Variants in ASAH2B observed in about 807,000 individuals in gnomAD.
ASAH2B encodes the protein N-acylsphingosine amidohydrolase 2B.
Under a neutral mutation model 2.9 loss-of-function variants are expected in ASAH2B, and 1 was observed. The observed-to-expected ratio is 0.34, with a 90% CI of 0.12 to 1.63. ASAH2B has a LOEUF of 1.63. Ranked by LOEUF, ASAH2B falls within the 40% of genes most tolerant of loss-of-function variation. The pLI is 0.36. For synonymous variants in ASAH2B, 4 were observed against 13.3 expected (o/e 0.30, Z 1.52); for missense variants, 9 against 37.7 (o/e 0.24, Z 1.99).
chr10:50,747,402 AT>A (rs1420587146), intron 3 of ASAH2B, among the ~76,000 whole-genome samples: 1 of 151,260 alleles, frequency 6.6e-6, no homozygotes, highest in Non-Finnish European at 1.5e-5. Context: ...TTTGTAGTAT[AT>A]TTTGAAGTCA....
At chr10:50,744,291 A>G (rs1196959698) in intron 2 of ASAH2B, among the ~76,000 whole-genome samples, 1 of 151,576 alleles carries the variant, frequency 6.6e-6, no homozygotes, top group Non-Finnish European at 1.5e-5. Context: ...AATGCAATTA[A>G]TTTGGTGGAA....
chr10:50,745,071 G>T (rs1839886972), intron 2 of ASAH2B, 57 bp from the exon 3 acceptor site: 1 of 389,064 alleles, frequency 2.6e-6, no homozygotes, highest in Non-Finnish European at 4.3e-6. Flanking sequence ...CTGGAGGCCT[G>T]GGGAAAGGGT....
intron 1 of ASAH2B, among the ~76,000 whole-genome samples, chr10:50,742,129 T>TA (rs934934944): frequency 2.7e-5 from 4 of 150,512 alleles, no homozygotes; most frequent in Non-Finnish European, 4.4e-5. Flanking sequence ...AATACAAATA[T>TA]AAAAAAAAAG....
At chr10:50,741,229 C>T (rs1839826167) in intron 1 of ASAH2B, among the ~76,000 whole-genome samples, 1 of 152,212 alleles carries the variant, frequency 6.6e-6, no homozygotes, top group African/African-American at 2.4e-5. Context: ...CTCTCTTCTA[C>T]CCAGTATTTT....
intron 3 of ASAH2B, among the ~76,000 whole-genome samples, chr10:50,748,865 A>G (rs1036585545): frequency 2.6e-5 from 4 of 151,410 alleles, no homozygotes; most frequent in African/African-American, 7.3e-5. Context: ...CCATTGTTTA[A>G]TATATATTTT....
rs1837141298 is a variant in ASAH2B at position 50,758,597 on chromosome 10, T to A, written c.*3857T>A. 1 of 151,648 alleles carries A rather than the reference T, an allele frequency of 6.6e-6. No homozygotes were observed. Among genetic ancestry groups the A allele is most frequent in the Non-Finnish European group, 1.5e-5 (1 of 67,824 alleles). The allele number at this position is 151,648 out of a possible 1,614,324, so 9.4% of individuals were successfully genotyped here. On this transcript the variant is annotated 3_prime_UTR_variant, in exon 6 of 6. Transcript: ENST00000647317. ...TGCTCTTTGAAATAATTAGAACTCG[T>A]TTTACTCTAGAAAATATATTTTGGA...
At chr10:50,754,216 G>T (rs2132731671) in intron 5 of ASAH2B, among the ~76,000 whole-genome samples, 2 of 150,604 alleles carry the variant, frequency 1.3e-5, no homozygotes, top group Non-Finnish European at 3.0e-5. Flanking sequence ...ATAAGTGTCA[G>T]ATAAGGGCTA....
intron 5 of ASAH2B, among the ~76,000 whole-genome samples, chr10:50,753,147 A>G (rs1431555873): frequency 6.7e-6 from 1 of 148,408 alleles, no homozygotes; most frequent in Non-Finnish European, 1.5e-5. Flanking sequence ...AAGATTTGAT[A>G]ATGTGTCTGA....
At chr10:50,743,308 A>T (rs907179452) in intron 2 of ASAH2B, among the ~76,000 whole-genome samples, 1 of 151,372 alleles carries the variant, frequency 6.6e-6, no homozygotes, top group African/African-American at 2.4e-5. Flanking sequence ...ATTTCTCCCC[A>T]GTTTTCAGAG....
intron 3 of ASAH2B, among the ~76,000 whole-genome samples, chr10:50,748,050 T>G (rs1588931560): frequency 6.6e-6 from 1 of 151,000 alleles, no homozygotes; most frequent in Non-Finnish European, 1.5e-5. Context: ...CTAATTCAAT[T>G]TCTTTACTTG....
chr10:50,759,191 A>AC lies in ASAH2B; in HGVS notation c.*4451_*4452insC, dbSNP rs1310013525. ...TGTATTAGCATTTTTCCCCCTTGAC[A>AC]TCAATGTCCTTGAATGTATTTGCCA... On this transcript the variant is annotated 3_prime_UTR_variant, in exon 6 of 6. Transcript: ENST00000647317. 2.2e-4 allele frequency: 18 copies of AC among 82,930 alleles called. No individual in the cohort carries two copies. Among genetic ancestry groups the AC allele is most frequent in the East Asian group, 1.1e-3 (1 of 918 alleles). 5.1% of individuals were successfully genotyped at this position (82,930 alleles called of 1,614,324 possible).
rs1367291315 is a variant in ASAH2B, at chr10:50,755,600, T to C, written c.*860T>C. ...CAGAAAGTTTTGCCATTAGCGTAGA[T>C]ATTAAAAATATTACTGGCTGGGAAA... On this transcript the variant is annotated 3_prime_UTR_variant, in exon 6 of 6. Transcript: ENST00000647317. 2.0e-5 allele frequency: 3 copies of C among 151,800 alleles called. No homozygotes were observed. The highest frequency in any genetic ancestry group is 2.9e-5 in the Non-Finnish European group (2 of 67,816). The allele number at this position is 151,800 out of a possible 1,614,324, so 9.4% of individuals were successfully genotyped here.
rs1049240462 is a variant in ASAH2B, at chr10:50,739,951, G to A, written c.-132G>A. ...GTGAATTTCCGTTTCCGGCGGTGTG[G>A]AAGCGGACCTGAGGAGTCGCAATTG... On this transcript the variant is annotated 5_prime_UTR_variant, in exon 1 of 6. Transcript: ENST00000647317. 6.0e-6 allele frequency: 1 copy of A among 166,328 alleles called. No individual in the cohort carries two copies. The highest frequency in any genetic ancestry group is 2.4e-5 in the African/African-American group (1 of 41,456). 10.3% of individuals were successfully genotyped at this position (166,328 alleles called of 1,614,324 possible).
At chr10:50,747,033 G>A (rs1839917727) in intron 3 of ASAH2B, among the ~76,000 whole-genome samples, 1 of 146,748 alleles carries the variant, frequency 6.8e-6, no homozygotes, top group South Asian at 2.1e-4. Context: ...TTTTGCTTTT[G>A]TTGCTTTTGC....
intron 3 of ASAH2B, among the ~76,000 whole-genome samples, chr10:50,747,743 C>T (rs555875212): frequency 6.6e-6 from 1 of 151,776 alleles, no homozygotes; most frequent in Non-Finnish European, 1.5e-5. Flanking sequence ...AATGCCGTAT[C>T]ATTTAGTCAT....
At chr10:50,740,930 T>C (rs542906037) in intron 1 of ASAH2B, among the ~76,000 whole-genome samples, 11 of 152,090 alleles carry the variant, frequency 7.2e-5, no homozygotes, top group Admixed American at 2.0e-4. Flanking sequence ...AGATGAGTTA[T>C]AATTCAGGAG....
At chr10:50,740,021 C>T (rs1037197177) in intron 1 of ASAH2B, 38 bp downstream of exon 1, 1 of 160,632 alleles carries the variant, frequency 6.2e-6, no homozygotes, top group Non-Finnish European at 1.5e-5. Context: ...CAGTGGGGTC[C>T]CTGGCTCTGG....
chr10:50,740,749 G>A (rs1014947613), intron 1 of ASAH2B, among the ~76,000 whole-genome samples: 1 of 152,134 alleles, frequency 6.6e-6, no homozygotes, highest in Non-Finnish European at 1.5e-5. Context: ...TATGCAGCCT[G>A]ATATTCTTAA....
intron 1 of ASAH2B, among the ~76,000 whole-genome samples, chr10:50,741,272 C>CTTTATATG (rs1564469236): frequency 6.6e-6 from 1 of 152,218 alleles, no homozygotes; most frequent in Non-Finnish European, 1.5e-5. Context: ...GGGATATACT[C>CTTTATATG]CGGCAAGTAT....
Sources: allele counts gnomAD v4.1 joint callset (sites outside exome capture counted in the v4.1 genomes callset), GRCh38; gene constraint gnomAD v4.1.1; transcripts MANE v1.5; gene names NCBI Gene and HGNC (gene_info 2026-07-23, HGNC 2026-07-21).